The following ARHGAP26 variants were observed in gnomAD, a reference collection of about 807,000 sequenced individuals.
ARHGAP26 encodes rho GTPase-activating protein 26.
ARHGAP26 carries 38 observed loss-of-function variants against 104.8 expected under a neutral mutation model. The observed-to-expected ratio is 0.36, with a 90% CI of 0.28 to 0.48. ARHGAP26 has a LOEUF of 0.48. Among genes scored for constraint, ARHGAP26 ranks in the 20% least tolerant of loss-of-function variants. The pLI is 0.99. For synonymous variants in ARHGAP26, 341 were observed against 340.0 expected (o/e 1.00, Z -0.03); for missense variants, 704 against 947.9 (o/e 0.74, Z 3.38).
At chr5:142,771,031 A>G in intron 1 of ARHGAP26, 116 bp downstream of exon 1, 1 of 1,427,988 alleles carries the variant, frequency 7.0e-7, no homozygotes. Flanking sequence ...ACACTGGGGG[A>G]CGGGTGTCGA....
At chr5:142,916,555 A>C (rs757092709) in intron 10 of ARHGAP26, among the ~76,000 whole-genome samples, 1 of 152,232 alleles carries the variant, frequency 6.6e-6, no homozygotes, top group Non-Finnish European at 1.5e-5. Context: ...TTCACAATAC[A>C]GTTTCATCAG....
At chr5:143,142,319 A>G (rs1798651931) in intron 19 of ARHGAP26, among the ~76,000 whole-genome samples, 1 of 151,522 alleles carries the variant, frequency 6.6e-6, no homozygotes, top group African/African-American at 2.4e-5. Flanking sequence ...TTGTACTTTT[A>G]GTAGAGATGG....
At chr5:142,836,531 C>A (rs953139108) in intron 1 of ARHGAP26, among the ~76,000 whole-genome samples, 1 of 152,198 alleles carries the variant, frequency 6.6e-6, no homozygotes, top group Non-Finnish European at 1.5e-5. Flanking sequence ...TGCACTCAGT[C>A]TGAAGTAATT....
At position 143,223,241 on chromosome 5, in the gene ARHGAP26, T is replaced by C; in HGVS notation, c.*795T>C. 4.3e-6 allele frequency: 1 copy of C among 232,850 alleles called. No individual in the cohort carries two copies. Among genetic ancestry groups the C allele is most frequent in the Non-Finnish European group, 8.5e-6 (1 of 117,542 alleles). The allele number at this position is 232,850 out of a possible 1,614,324, so 14.4% of individuals were successfully genotyped here. ...CATGACACATTTTTTTTCTCCCCTT[T>C]TTGGTACACTTTTTTTGAATGGTTT... On this transcript the variant is annotated 3_prime_UTR_variant, in exon 23 of 23. Coordinates refer to ENST00000645722, the MANE Select transcript of ARHGAP26 (RefSeq NM_001135608.3).
At chr5:143,105,211 A>G (rs778502807) in intron 17 of ARHGAP26, among the ~76,000 whole-genome samples, 6 of 152,004 alleles carry the variant, frequency 3.9e-5, no homozygotes, top group Non-Finnish European at 5.9e-5. Flanking sequence ...CCCTGTCTCT[A>G]CTAAAAATAC....
chr5:142,967,145 C>T (rs1001835122), intron 11 of ARHGAP26, among the ~76,000 whole-genome samples: 14 of 151,954 alleles, frequency 9.2e-5, no homozygotes, highest in South Asian at 4.2e-4. Context: ...TCTTAATGTT[C>T]TTTTAGTGCT....
chr5:143,220,335 G>T (rs1202094270), intron 22 of ARHGAP26, among the ~76,000 whole-genome samples: 1 of 152,216 alleles, frequency 6.6e-6, no homozygotes, highest in Non-Finnish European at 1.5e-5. Flanking sequence ...CTAGGAGGGG[G>T]TCTTGCTGAG....
At chr5:142,798,365 C>G (rs1761409317) in intron 1 of ARHGAP26, among the ~76,000 whole-genome samples, 1 of 152,186 alleles carries the variant, frequency 6.6e-6, no homozygotes. Flanking sequence ...TTCCCTTCAC[C>G]TCTTCCTCCT....
At chr5:143,131,398 G>GA (rs1008974978) in intron 18 of ARHGAP26, among the ~76,000 whole-genome samples, 2 of 151,774 alleles carry the variant, frequency 1.3e-5, no homozygotes, top group African/African-American at 2.4e-5. Context: ...TAACTCATTA[G>GA]AAAAAAAAGA....
intron 17 of ARHGAP26, among the ~76,000 whole-genome samples, chr5:143,089,437 T>C (rs1791080614): frequency 1.3e-5 from 2 of 152,262 alleles, no homozygotes; most frequent in African/African-American, 2.4e-5. Flanking sequence ...CCTGAGTTGT[T>C]GGCTAACTCA....
chr5:143,114,155 T>C (rs1795127379), intron 17 of ARHGAP26, among the ~76,000 whole-genome samples: 2 of 152,214 alleles, frequency 1.3e-5, no homozygotes, highest in Admixed American at 1.3e-4. Flanking sequence ...CCTGTCTGGC[T>C]TCTCACTAGA....
intron 18 of ARHGAP26, among the ~76,000 whole-genome samples, 188 bp downstream of exon 18, chr5:143,121,335 G>T (rs377357646): frequency 2.8e-4 from 43 of 152,302 alleles, no homozygotes; most frequent in African/African-American, 1.0e-3. Context: ...TGTCAACCGT[G>T]GTAGTTACAA....
At chr5:143,091,700 T>C (rs1295738705) in intron 17 of ARHGAP26, among the ~76,000 whole-genome samples, 1 of 152,228 alleles carries the variant, frequency 6.6e-6, no homozygotes, top group African/African-American at 2.4e-5. Context: ...GTAAGATTTT[T>C]ATAGACTCTT....
rs538159969 is a variant in ARHGAP26 at position 143,162,108 on chromosome 5, G to C, written c.1988+14727G>C. 2.5e-3 allele frequency among the ~76,000 whole-genome samples: 378 copies of C among 152,146 alleles called. 4 individuals are homozygous for C. Among genetic ancestry groups the C allele is most frequent in the Non-Finnish European group, 4.1e-3 (280 of 68,010 alleles). On this transcript the variant is annotated intron_variant, in intron 20 of 22. Transcript: ENST00000645722. ...AAATCCAAAGCTGAAGCACAAGAGA[G>C]ATTTCTTCAAATGAATGTGTTGGCT...
chr5:142,924,247 C>T (rs566689844), intron 10 of ARHGAP26, among the ~76,000 whole-genome samples: 1 of 152,264 alleles, frequency 6.6e-6, no homozygotes, highest in Admixed American at 6.5e-5. Context: ...CTCCCTCCCT[C>T]CTTCCTTCCT....
intron 1 of ARHGAP26, among the ~76,000 whole-genome samples, chr5:142,806,474 TG>T (rs1763007394): frequency 8.5e-3 from 2 of 236 alleles, no homozygotes; most frequent in African/African-American, 0.021. Context: ...GGCAATGAAA[TG>T]TGTGTGTGTG....
At chr5:142,824,040 A>T (rs567150676) in intron 1 of ARHGAP26, among the ~76,000 whole-genome samples, 3 of 152,208 alleles carry the variant, frequency 2.0e-5, no homozygotes, top group Non-Finnish European at 4.4e-5. Flanking sequence ...CCAGGGCTGG[A>T]TGTGACTCAT....
At chr5:142,969,100 TTTATTA>T (rs969353480) in intron 11 of ARHGAP26, among the ~76,000 whole-genome samples, 3 of 151,814 alleles carry the variant, frequency 2.0e-5, no homozygotes, top group Non-Finnish European at 4.4e-5. Context: ...CTCAGCTCTT[TTTATTA>T]TTATTATTAT....
At chr5:142,789,418 T>C (rs1417402786) in intron 1 of ARHGAP26, among the ~76,000 whole-genome samples, 2 of 152,184 alleles carry the variant, frequency 1.3e-5, no homozygotes, top group Non-Finnish European at 2.9e-5. Context: ...GTCTTCGTTT[T>C]AATCTATCTA....
Sources: allele counts gnomAD v4.1 joint callset (sites outside exome capture counted in the v4.1 genomes callset), GRCh38; gene constraint gnomAD v4.1.1; transcripts MANE v1.5; gene names NCBI Gene and HGNC (gene_info 2026-07-23, HGNC 2026-07-21).